DAAM1: variants seen among roughly 807,000 people sequenced by gnomAD.
DAAM1 encodes the protein dishevelled associated activator of morphogenesis 1.
DAAM1 carries 52 observed loss-of-function variants against 130.0 expected under a neutral mutation model. The ratio of observed to expected loss-of-function variants is 0.40; its 90% confidence interval spans 0.32 to 0.50. The LOEUF (loss-of-function observed/expected upper bound fraction) is 0.50. DAAM1 is among the 20% of genes least tolerant of loss of function. The pLI is 0.61. For synonymous variants in DAAM1, 452 were observed against 444.5 expected, an observed-to-expected ratio of 1.02 and a Z score of -0.21; for missense variants, 1,134 against 1,303.8, an observed-to-expected ratio of 0.87 and a Z score of 2.01.
intron 17 of DAAM1, among the ~76,000 whole-genome samples, chr14:59,350,959 C>T (rs1039575112): frequency 1.3e-5 from 2 of 152,118 alleles, no homozygotes; most frequent in African/African-American, 4.8e-5. Flanking sequence ...ACACATCTTC[C>T]TAGGGCTTCA....
rs1396722113 is a variant in DAAM1, at chr14:59,274,174, G to A, written c.183+10514G>A. Among the ~76,000 whole-genome samples the A allele has an allele frequency of 3.3e-5, 5 of 152,130 alleles. No homozygotes were observed. The East Asian group carries it at 5.8e-4, about 18-fold the overall frequency. On this transcript the variant is annotated intron_variant, in intron 2 of 24. Transcript: ENST00000360909. ...AAAAAGTTGCAGTATTTTTTCTTGT[G>A]TTCAGTTTTAAATGAATTTGTTGGC...
At chr14:59,227,693 A>G (rs552868245) in intron 1 of DAAM1, among the ~76,000 whole-genome samples, 1 of 152,256 alleles carries the variant, frequency 6.6e-6, no homozygotes, top group East Asian at 1.9e-4. Context: ...CATGATTAGG[A>G]GAAGCTGTTC....
intron 10 of DAAM1, 152 bp from the exon 11 acceptor site, chr14:59,326,358 A>G (rs1885202821): frequency 1.3e-6 from 1 of 754,878 alleles, no homozygotes. Context: ...TGATCATTGC[A>G]TGTCAAAATT....
At chr14:59,329,597 G>C (rs936191885) in intron 12 of DAAM1, among the ~76,000 whole-genome samples, 7 of 152,132 alleles carry the variant, frequency 4.6e-5, no homozygotes, top group Admixed American at 4.6e-4. Flanking sequence ...TGGATTTATT[G>C]ATATAAAAAG....
intron 1 of DAAM1, among the ~76,000 whole-genome samples, chr14:59,240,778 A>G (rs1456038699): frequency 6.6e-6 from 1 of 152,240 alleles, no homozygotes; most frequent in African/African-American, 2.4e-5. Flanking sequence ...TGCCATCCCT[A>G]GATCAGTCAC....
chr14:59,304,608 T>C (rs1302090979), intron 3 of DAAM1, among the ~76,000 whole-genome samples: 2 of 152,214 alleles, frequency 1.3e-5, no homozygotes. Context: ...AGCATTTTGT[T>C]TTTTCAGTTT....
intron 16 of DAAM1, among the ~76,000 whole-genome samples, chr14:59,344,044 A>G (rs933695933): frequency 6.6e-6 from 1 of 152,172 alleles, no homozygotes; most frequent in African/African-American, 2.4e-5. Flanking sequence ...CTCGCTGCCA[A>G]AGGCCTGGGG....
intron 1 of DAAM1, among the ~76,000 whole-genome samples, chr14:59,206,650 T>G (rs546630143): frequency 6.6e-6 from 1 of 152,242 alleles, no homozygotes; most frequent in African/African-American, 2.4e-5. Context: ...GAAAAAAGAT[T>G]AGAGTTTCTA....
rs140005560 is a variant in DAAM1, at chr14:59,353,906, G to A, written c.2298G>A (p.Ser766=). ...RINHYQQRLQ[S]LYFKKKFAER... is the part of the protein sequence containing the mutation. ...ATCACTATCAGCAAAGGTTGCAATC[G>A]CTGTACTTCAAAAAGAAGTTTGCAG... The change falls in exon 19 of 25, where the codon TCG becomes TCA. Residue 766 remains serine, a synonymous_variant. Transcript: ENST00000360909. 7.9e-5 allele frequency: 128 copies of A among 1,614,030 alleles called. 1 individual carries two copies. The highest frequency in any genetic ancestry group is 6.8e-4 in the Admixed American group (41 of 60,024).
chr14:59,233,670 T>C (rs1322055812), intron 1 of DAAM1, among the ~76,000 whole-genome samples: 1 of 152,238 alleles, frequency 6.6e-6, no homozygotes, highest in Non-Finnish European at 1.5e-5. Context: ...TTGGCTTTTG[T>C]TGCAATTGCT....
chr14:59,222,801 A>G (rs1045806636), intron 1 of DAAM1, among the ~76,000 whole-genome samples: 1 of 152,214 alleles, frequency 6.6e-6, no homozygotes, highest in Non-Finnish European at 1.5e-5. Context: ...TTTCTTTGTG[A>G]CCGATTTTCC....
chr14:59,315,168 T>C, intron 3 of DAAM1, 112 bp from the exon 4 acceptor site: 1 of 920,824 alleles, frequency 1.1e-6, no homozygotes, highest in Non-Finnish European at 1.8e-6. Flanking sequence ...TACCTTCGTG[T>C]CTTCTAAAGG....
chr14:59,190,073 G>A (rs1460800534), intron 1 of DAAM1, among the ~76,000 whole-genome samples: 4 of 152,138 alleles, frequency 2.6e-5, no homozygotes, highest in African/African-American at 9.7e-5. Flanking sequence ...CGCTGCCACT[G>A]CTGTTTCGAT....
intron 3 of DAAM1, among the ~76,000 whole-genome samples, chr14:59,308,355 G>C (rs934753153): frequency 1.3e-5 from 2 of 152,168 alleles, no homozygotes; most frequent in African/African-American, 4.8e-5. Context: ...GGAAGATTTG[G>C]GGAGGATATA....
In DAAM1 at chr14:59,327,008, T is replaced by C. The variant is rs143409347; in HGVS notation, c.1372+17T>C. 1.4e-5 allele frequency: 22 copies of C among 1,613,672 alleles called. No individual in the cohort carries two copies. Among genetic ancestry groups the C allele is most frequent in the Middle Eastern group, 3.3e-4 (2 of 6,054 alleles). On this transcript the variant is annotated intron_variant, in intron 12 of 24. Coordinates refer to ENST00000360909, the MANE Select transcript of DAAM1 (RefSeq NM_001270520.2). ...TGAGAAAAGGTAAATAATGAGGCCC[T>C]GATAAGAGGCTGTGTTATTGGTTAT...
chr14:59,321,128 CAA>C (rs11292687), intron 5 of DAAM1, among the ~76,000 whole-genome samples: 2 of 151,404 alleles, frequency 1.3e-5, no homozygotes, highest in Non-Finnish European at 2.9e-5. Context: ...AATTTGGCTA[CAA>C]AAAAAAGGAA....
At position 59,352,554 on chromosome 14, in the gene DAAM1, A is replaced by T; in HGVS notation, c.2189A>T (p.Asp730Val). The change falls in exon 18 of 25, where the codon GAC becomes GTC. Residue 730 changes from aspartate to valine, a missense_variant. Coordinates refer to ENST00000360909, the MANE Select transcript of DAAM1 (RefSeq NM_001270520.2). Reference sequence around the variant, plus strand: ...TTGAAATTTGTTCCTGAAAAAAGTGACATTGACCTATTGGAGGAACATAAA... The same window carrying T: ...TTGAAATTTGTTCCTGAAAAAAGTGTCATTGACCTATTGGAGGAACATAAA... The part of the protein sequence containing the change: ...QLLKFVPEKS[D>V]IDLLEEHKHE... 2 of 1,613,526 alleles carry T rather than the reference A, an allele frequency of 1.2e-6. No homozygotes were observed. The highest frequency in any genetic ancestry group is 1.7e-6 in the Non-Finnish European group (2 of 1,179,766).
intron 15 of DAAM1, among the ~76,000 whole-genome samples, chr14:59,334,967 A>G (rs578102003): frequency 8.6e-4 from 131 of 152,246 alleles, no homozygotes; most frequent in Non-Finnish European, 1.4e-3. Flanking sequence ...ACAGTTCCCA[A>G]TCTCATCAAC....
Position 59,359,519 on chromosome 14 carries a change from TGA to T in DAAM1, c.2633+17_2633+18del. ...GCGAAAGTAAAGTAAGTACTTACAG[TGA>T]GTGTTAGTTTCTTAAATCACTTGGA... On this transcript the variant is annotated intron_variant, in intron 21 of 24. Coordinates refer to ENST00000360909, the MANE Select transcript of DAAM1 (RefSeq NM_001270520.2). The T allele has an allele frequency of 6.3e-7, 1 of 1,588,714 alleles. No individual in the cohort carries two copies. The highest frequency in any genetic ancestry group is 8.6e-7 in the Non-Finnish European group (1 of 1,157,550).
Sources: gnomAD v4.1 joint callset for allele counts (sites outside exome capture counted in the v4.1 genomes callset) on GRCh38, gnomAD v4.1.1 for gene constraint, MANE v1.5 for transcripts, NCBI Gene and HGNC (gene_info 2026-07-23, HGNC 2026-07-21) for gene names.